Variants in NR4A3 observed in about 807,000 individuals in gnomAD.
NR4A3 encodes chondrosarcoma, extraskeletal myxoid, fused to EWS.
A neutral mutation model predicts 55.6 loss-of-function variants in NR4A3; 13 were observed. That is an observed-to-expected ratio of 0.23 (90% CI 0.15 to 0.37). NR4A3 has a LOEUF of 0.37. Ranked by LOEUF, NR4A3 falls within the 10% of genes least tolerant of loss-of-function variation. The pLI is 1.00. For synonymous variants in NR4A3, 342 were observed against 357.9 expected, an observed-to-expected ratio of 0.96 and a Z score of 0.50; for missense variants, 646 against 822.8, an observed-to-expected ratio of 0.79 and a Z score of 2.63.
At chr9:99,842,288 C>T (rs1827667298) in intron 5 of NR4A3, among the ~76,000 whole-genome samples, 1 of 152,120 alleles carries the variant, frequency 6.6e-6, no homozygotes. Context: ...AACCTAAGCA[C>T]TCTTCTGACT....
Position 99,828,508 on chromosome 9 carries a change from T to G in NR4A3, c.466T>G (p.Trp156Gly), listed in dbSNP as rs1454640518. 4 of 1,580,344 alleles carry G rather than the reference T, an allele frequency of 2.5e-6. No individual in the cohort carries two copies. Among genetic ancestry groups the G allele is most frequent in the Non-Finnish European group, 3.4e-6 (4 of 1,165,932 alleles). ...PAFPPQAGAL[W>G]DEALPSAPGC... is the part of the protein sequence containing the mutation. ...CTTCCCCCCGCAGGCGGGGGCGTTA[T>G]GGGACGAGGCACTGCCCTCGGCGCC... The change falls in exon 3 of 8, where the codon TGG (tryptophan) becomes GGG (glycine). Residue 156 changes from tryptophan (W) to glycine (G), a missense_variant. Physicochemically the swap from Trp to Gly is radical, Grantham distance 184. Coordinates refer to ENST00000395097, the MANE Select transcript of NR4A3 (RefSeq NM_006981.4). The surrounding 1 kb of genome is among the most constrained non-coding windows in gnomAD (Gnocchi z 7.7).
Position 99,828,250 on chromosome 9 carries a change from G to A in NR4A3, c.208G>A (p.Glu70Lys), listed in dbSNP as rs1159997688. 1 of 1,613,788 alleles carries A rather than the reference G, an allele frequency of 6.2e-7. No homozygotes were observed. The highest frequency in any genetic ancestry group is 8.5e-7 in the Non-Finnish European group (1 of 1,179,988). ...TFVEGYSSNY[E>K]LKPSCVYQMQ... ...CGTGGAGGGCTACTCGAGCAACTAC[G>A]AACTCAAGCCTTCCTGCGTGTACCA... The change falls in exon 3 of 8, where the codon GAA (glutamate) becomes AAA (lysine). Residue 70 changes from glutamate (E) to lysine (K), a missense_variant. Glu to Lys is a moderately conservative substitution (Grantham distance 56). Coordinates refer to ENST00000395097, the MANE Select transcript of NR4A3 (RefSeq NM_006981.4). This position sits in a 1 kb window ranked among gnomAD's most constrained non-coding sequence, Gnocchi z 7.7.
intron 7 of NR4A3, among the ~76,000 whole-genome samples, chr9:99,862,164 C>T (rs1419939483): frequency 6.6e-6 from 1 of 152,010 alleles, no homozygotes; most frequent in Non-Finnish European, 1.5e-5. Context: ...GGATGTCTTC[C>T]ATCTCTCAAG....
At chr9:99,827,256 A>ATGTGTGTG (rs1419603893) in intron 2 of NR4A3, among the ~76,000 whole-genome samples, 5 of 138,986 alleles carry the variant, frequency 3.6e-5, no homozygotes, top group African/African-American at 1.4e-4. Context: ...TGGGATATAT[A>ATGTGTGTG]TATGTGTGTG....
Position 99,864,113 on chromosome 9 carries a change from TATAGTTC to T in NR4A3, c.*249_*255del, listed in dbSNP as rs1324213439. On this transcript the variant is annotated 3_prime_UTR_variant, in exon 8 of 8. Coordinates refer to ENST00000395097, the MANE Select transcript of NR4A3 (RefSeq NM_006981.4). ...ATTGGGGGATGGGGTGGGAGGGGGT[TATAGTTC>T]ATGAGGGTTTTCTAAGAAATTGCTA... The T allele has an allele frequency of 2.3e-6, 1 of 429,430 alleles. No individual in the cohort carries two copies. Among genetic ancestry groups the T allele is most frequent in the Non-Finnish European group, 4.2e-6 (1 of 239,906 alleles). 26.6% of individuals were successfully genotyped at this position (429,430 alleles called of 1,614,324 possible). A position where few individuals can be genotyped will look rare whatever the true frequency, so the allele number is the denominator to read the frequency against.
rs1285991794 is a variant in NR4A3 at position 99,864,930 on chromosome 9, AATTTTTGTT to A, written c.*1067_*1075del. ...ATAAGGATTTTTATAGATATAATTTAATTTTTGTTATTGGTTAAGGAGACAATTTTGGAG... is the reference window on the plus strand; with the variant it reads ...ATAAGGATTTTTATAGATATAATTTAATTGGTTAAGGAGACAATTTTGGAG... On this transcript the variant is annotated 3_prime_UTR_variant, in exon 8 of 8. Transcript: ENST00000395097. 4.9e-6 allele frequency: 1 copy of A among 205,156 alleles called. No homozygotes were observed. Among genetic ancestry groups the A allele is most frequent in the African/African-American group, 2.3e-5 (1 of 43,698 alleles). 12.7% of individuals were successfully genotyped at this position (205,156 alleles called of 1,614,324 possible).
chr9:99,824,177 A>G (rs1827247276), intron 1 of NR4A3, among the ~76,000 whole-genome samples: 2 of 152,076 alleles, frequency 1.3e-5, no homozygotes, highest in African/African-American at 4.8e-5. Context: ...TGGGGTGGAG[A>G]GAGCGGCGGG....
At position 99,826,924 on chromosome 9, in the gene NR4A3, AC is replaced by A. The variant is rs1179109980; in HGVS notation, c.-3+1094del. On this transcript the variant is annotated intron_variant, in intron 2 of 7. Coordinates refer to ENST00000395097, the MANE Select transcript of NR4A3 (RefSeq NM_006981.4). ...TTCCTTTGGCTCAGAAAAACCAACC[AC>A]CAAAAACCGCCGTTTTTTACCATTT... 1.0e-5 allele frequency: 9 copies of A among 865,158 alleles called. No individual in the cohort carries two copies. In the African/African-American group the frequency reaches 1.7e-4, roughly 17 times the overall value. The allele number at this position is 865,158 out of a possible 1,614,324, so 53.6% of individuals were successfully genotyped here. A position where few individuals can be genotyped will look rare whatever the true frequency, so the allele number is the denominator to read the frequency against.
At chr9:99,833,237 T>G (rs1029315487) in intron 4 of NR4A3, 45 bp from the exon 5 acceptor site, 1 of 1,544,416 alleles carries the variant, frequency 6.5e-7, no homozygotes, top group Non-Finnish European at 8.7e-7. Context: ...GGTCGTTCAT[T>G]CCATAATCTT....
intron 7 of NR4A3, among the ~76,000 whole-genome samples, chr9:99,857,757 A>G (rs992836265): frequency 3.4e-5 from 5 of 147,506 alleles, no homozygotes; most frequent in Non-Finnish European, 6.0e-5. Context: ...CTGTCTCACA[A>G]ATAAATAAAT....
intron 5 of NR4A3, among the ~76,000 whole-genome samples, chr9:99,841,308 G>A (rs549696435): frequency 6.6e-6 from 1 of 151,744 alleles, no homozygotes; most frequent in Non-Finnish European, 1.5e-5. Flanking sequence ...CCTTCTCCTG[G>A]ACTTTGCTCC....
intron 7 of NR4A3, among the ~76,000 whole-genome samples, chr9:99,847,870 C>T (rs1453409908): frequency 6.6e-6 from 1 of 152,142 alleles, no homozygotes; most frequent in Non-Finnish European, 1.5e-5. Context: ...ATCTAACTTC[C>T]TACTAGAGAT....
At chr9:99,835,490 C>G (rs375201700) in intron 5 of NR4A3, among the ~76,000 whole-genome samples, 1 of 152,190 alleles carries the variant, frequency 6.6e-6, no homozygotes, top group Non-Finnish European at 1.5e-5. Context: ...GTTCTCCTCC[C>G]AGAAGCACCC....
chr9:99,829,096 T>C (rs911132007), intron 3 of NR4A3, 103 bp downstream of exon 3: 44 of 1,200,738 alleles, frequency 3.7e-5, no homozygotes, highest in Non-Finnish European at 4.5e-5. Flanking sequence ...TTGAGAGCTG[T>C]AATCGGCACA....
chr9:99,828,284 G>T lies in NR4A3; in HGVS notation c.242G>T (p.Arg81Leu), dbSNP rs1827351774. 10 of 1,613,656 alleles carry T rather than the reference G, an allele frequency of 6.2e-6. No individual in the cohort carries two copies. The highest frequency in any genetic ancestry group is 6.8e-6 in the Non-Finnish European group (8 of 1,179,942). ...CCTTCCTGCGTGTACCAAATGCAGC[G>T]GCCCTTGATCAAAGTGGAGGAGGGG... ...LKPSCVYQMQ[R>L]PLIKVEEGRA... Residue 81 changes from arginine to leucine, a missense_variant, in exon 3 of 8, where the codon CGG (arginine) becomes CTG (leucine). Coordinates refer to ENST00000395097, the MANE Select transcript of NR4A3 (RefSeq NM_006981.4). This position sits in a 1 kb window ranked among gnomAD's most constrained non-coding sequence, Gnocchi z 7.7.
At chr9:99,841,556 T>G (rs1270853273) in intron 5 of NR4A3, among the ~76,000 whole-genome samples, 1 of 152,218 alleles carries the variant, frequency 6.6e-6, no homozygotes, top group Non-Finnish European at 1.5e-5. Context: ...TCACTGTCAT[T>G]TGTTAATCAT....
At chr9:99,829,421 A>G (rs1190246539) in intron 3 of NR4A3, among the ~76,000 whole-genome samples, 1 of 152,254 alleles carries the variant, frequency 6.6e-6, no homozygotes, top group Admixed American at 6.5e-5. Flanking sequence ...CTCTAGAGTC[A>G]GACACATCTA....
chr9:99,864,652 A>G lies in NR4A3; in HGVS notation c.*785A>G. On this transcript the variant is annotated 3_prime_UTR_variant, in exon 8 of 8. Transcript: ENST00000395097. ...ATGGCCCATCCAAGACTTTTAGGCC[A>G]TTCTTGATGGAACCAGATCCCTGCC... 1 of 228,408 alleles carries G rather than the reference A, an allele frequency of 4.4e-6. No individual in the cohort carries two copies. Among genetic ancestry groups the G allele is most frequent in the Non-Finnish European group, 8.7e-6 (1 of 114,728 alleles). The allele number at this position is 228,408 out of a possible 1,614,324, so 14.1% of individuals were successfully genotyped here.
rs1828046477 is a variant in NR4A3 at position 99,863,691 on chromosome 9, C to T, written c.1705C>T (p.His569Tyr). The stretch of plus-strand genomic sequence containing the variant: ...CAAGATCACAAGCAGTTTAAAAGAC[C>T]ACCAGAGTAAGGGACAGGCTCTGGA... Reference protein sequence around the residue: ...CNKITSSLKDHQSKGQALEPT... With the variant: ...CNKITSSLKDYQSKGQALEPT... Residue 569 changes from histidine (H) to tyrosine (Y), a missense_variant, in exon 8 of 8, where the codon CAC becomes TAC. Around this residue, in one of 5 missense-constraint regions of NR4A3, gnomAD observed 163 missense variants for 233.0 expected, o/e 0.70. Coordinates refer to ENST00000395097, the MANE Select transcript of NR4A3 (RefSeq NM_006981.4). 6.2e-7 allele frequency: 1 copy of T among 1,613,874 alleles called. No homozygotes were observed. The highest frequency in any genetic ancestry group is 1.3e-5 in the African/African-American group (1 of 74,924).
Sources: allele counts gnomAD v4.1 joint callset (sites outside exome capture counted in the v4.1 genomes callset), GRCh38; gene constraint gnomAD v4.1.1; regional missense constraint gnomAD v4.1.1; non-coding constraint Gnocchi (gnomAD v3.1); transcripts MANE v1.5; gene names NCBI Gene and HGNC (gene_info 2026-07-23, HGNC 2026-07-21).